NTM: variants seen among roughly 807,000 people sequenced by gnomAD.
NTM encodes IgLON family member 2.
NTM carries 13 observed loss-of-function variants against 42.1 expected under a neutral mutation model. That is an observed-to-expected ratio of 0.31 (90% CI 0.20 to 0.49). The LOEUF is 0.49. NTM is among the 20% of genes least tolerant of loss of function. The pLI is 0.99. For synonymous variants in NTM, 187 were observed against 179.2 expected (o/e 1.04, Z -0.35); for missense variants, 373 against 452.8 (o/e 0.82, Z 1.60).
At chr11:132,305,295 T>C (rs1414361300) in intron 4 of NTM, among the ~76,000 whole-genome samples, 2 of 152,198 alleles carry the variant, frequency 1.3e-5, no homozygotes, top group East Asian at 1.9e-4. Context: ...CTCTGTCTTT[T>C]TGTTTGTTTC....
chr11:131,844,842 T>C (rs2044716580), intron 1 of NTM, among the ~76,000 whole-genome samples: 1 of 152,202 alleles, frequency 6.6e-6, no homozygotes, highest in African/African-American at 2.4e-5. Context: ...AACTCACATA[T>C]TAATTCTAAT....
At chr11:131,807,564 G>C (rs1430546274) in intron 1 of NTM, among the ~76,000 whole-genome samples, 3 of 152,132 alleles carry the variant, frequency 2.0e-5, no homozygotes, top group Admixed American at 1.3e-4. Context: ...GCACAATAGT[G>C]CTAGAGCGCC....
At chr11:132,180,568 A>C (rs1467850077) in intron 3 of NTM, among the ~76,000 whole-genome samples, 2 of 152,184 alleles carry the variant, frequency 1.3e-5, no homozygotes, top group African/African-American at 4.8e-5. Context: ...AAGTCTAGAA[A>C]AGTAAAAACA....
intron 1 of NTM, among the ~76,000 whole-genome samples, chr11:131,432,114 A>T (rs1299420609): frequency 6.6e-6 from 1 of 152,190 alleles, no homozygotes; most frequent in Non-Finnish European, 1.5e-5. Flanking sequence ...GTCCTGTGTG[A>T]ATTCTTACCA....
At chr11:131,805,313 T>C (rs953296323) in intron 1 of NTM, among the ~76,000 whole-genome samples, 3 of 152,122 alleles carry the variant, frequency 2.0e-5, no homozygotes, top group African/African-American at 7.2e-5. Flanking sequence ...AGAAATTTCC[T>C]CTCTATTATG....
At chr11:131,618,125 C>T (rs976675778) in intron 1 of NTM, among the ~76,000 whole-genome samples, 2 of 152,098 alleles carry the variant, frequency 1.3e-5, no homozygotes, top group African/African-American at 4.8e-5. Flanking sequence ...GTAAGGGAGA[C>T]CTTTGGGAGT....
intron 3 of NTM, among the ~76,000 whole-genome samples, chr11:132,183,293 A>G (rs11222966): frequency 0.13 from 19,370 of 152,104 alleles, 2,374 homozygotes; most frequent in African/African-American, 0.31. Flanking sequence ...AGTTAACCAT[A>G]CCCCACTGGC....
intron 7 of NTM, among the ~76,000 whole-genome samples, chr11:132,317,238 A>G (rs1255095905): frequency 6.6e-6 from 1 of 152,100 alleles, no homozygotes; most frequent in Non-Finnish European, 1.5e-5. Context: ...GTTCGTTCCT[A>G]CCGTGGTGCC....
At chr11:131,691,708 G>A (rs1452625223) in intron 1 of NTM, among the ~76,000 whole-genome samples, 1 of 152,208 alleles carries the variant, frequency 6.6e-6, no homozygotes, top group Non-Finnish European at 1.5e-5. Context: ...CCCGCCAGGT[G>A]GCGCTGGCGC....
chr11:131,679,956 A>G (rs2072145547), intron 1 of NTM, among the ~76,000 whole-genome samples: 1 of 152,210 alleles, frequency 6.6e-6, no homozygotes, highest in Non-Finnish European at 1.5e-5. Context: ...GCAAAGGTGA[A>G]TCTACTAGTT....
chr11:131,704,461 C>A (rs1272744588), intron 1 of NTM, among the ~76,000 whole-genome samples: 1 of 152,232 alleles, frequency 6.6e-6, no homozygotes, highest in African/African-American at 2.4e-5. Flanking sequence ...CACCCAAAAT[C>A]TCTGTAGAAG....
intron 1 of NTM, among the ~76,000 whole-genome samples, chr11:131,861,612 G>C (rs1026823142): frequency 6.6e-6 from 1 of 152,096 alleles, no homozygotes; most frequent in African/African-American, 2.4e-5. Flanking sequence ...TTGCTGTAAA[G>C]GTCAATTAAA....
intron 1 of NTM, among the ~76,000 whole-genome samples, chr11:131,688,956 C>G (rs778115150): frequency 6.6e-6 from 1 of 152,142 alleles, no homozygotes; most frequent in African/African-American, 2.4e-5. Context: ...AGCCCTGGTG[C>G]GTTCTGCAGG....
intron 4 of NTM, among the ~76,000 whole-genome samples, chr11:132,219,372 T>C (rs1403042702): frequency 6.6e-6 from 1 of 152,182 alleles, no homozygotes; most frequent in African/African-American, 2.4e-5. Flanking sequence ...ACCACCCTAA[T>C]GCTGTTTTGT....
At chr11:131,382,885 G>C (rs1388944713) in intron 1 of NTM, among the ~76,000 whole-genome samples, 1 of 152,144 alleles carries the variant, frequency 6.6e-6, no homozygotes, top group East Asian at 1.9e-4. Context: ...TAGTTACATA[G>C]GTTCATTCAA....
At chr11:131,526,781 C>T (rs1197929818) in intron 1 of NTM, among the ~76,000 whole-genome samples, 1 of 152,196 alleles carries the variant, frequency 6.6e-6, no homozygotes, top group Non-Finnish European at 1.5e-5. Flanking sequence ...CAAGTGTCAG[C>T]ATTTGATTTG....
intron 1 of NTM, among the ~76,000 whole-genome samples, chr11:131,737,004 C>T (rs183902350): frequency 6.6e-6 from 1 of 152,294 alleles, no homozygotes; most frequent in African/African-American, 2.4e-5. Flanking sequence ...CCTCAGGGGG[C>T]TTAGAATCAT....
intron 2 of NTM, among the ~76,000 whole-genome samples, chr11:131,958,611 CAAAAG>C: frequency 6.6e-6 from 1 of 152,144 alleles, no homozygotes; most frequent in East Asian, 1.9e-4. Flanking sequence ...GTATTTGAAA[CAAAAG>C]AGCCTTGAAG....
chr11:131,755,285 G>T (rs985732844), intron 1 of NTM, among the ~76,000 whole-genome samples: 8 of 152,108 alleles, frequency 5.3e-5, no homozygotes. Flanking sequence ...TATATGAAAG[G>T]TACAATGTTT....
Sources: gnomAD v4.1 joint callset for allele counts (sites outside exome capture counted in the v4.1 genomes callset) on GRCh38, gnomAD v4.1.1 for gene constraint, MANE v1.5 for transcripts, NCBI Gene and HGNC (gene_info 2026-07-23, HGNC 2026-07-21) for gene names.